HIVEP1: variants seen among roughly 807,000 people sequenced by gnomAD.
HIVEP1 encodes zinc finger protein 40.
A neutral mutation model predicts 180.0 loss-of-function variants in HIVEP1; 36 were observed. The observed-to-expected ratio is 0.20, with a 90% CI of 0.15 to 0.26. The LOEUF is 0.26. HIVEP1 is among the 10% of genes least tolerant of loss of function. HIVEP1 has a pLI of 1.00. For missense variants in HIVEP1, 3,143 were observed against 3,268.7 expected (o/e 0.96, Z 0.94); for synonymous variants, 1,239 against 1,239.0 (o/e 1.00, Z 0.00).
At chr6:12,160,096 G>A (rs1760305285) in intron 7 of HIVEP1, among the ~76,000 whole-genome samples, 1 of 152,174 alleles carries the variant, frequency 6.6e-6, no homozygotes, top group Admixed American at 6.5e-5. Context: ...ACTGTACATT[G>A]TCTAATGTCA....
chr6:12,180,372 C>T, the HIVEP1 span, among the ~76,000 whole-genome samples: 2 of 152,160 alleles, frequency 1.3e-5, no homozygotes, highest in African/African-American at 4.8e-5. Context: ...CAGCGATTCA[C>T]AAACTTCAAT....
At chr6:12,140,304 G>T (rs1038237980) in intron 7 of HIVEP1, among the ~76,000 whole-genome samples, 1 of 152,188 alleles carries the variant, frequency 6.6e-6, no homozygotes. Flanking sequence ...CAAACAAAAG[G>T]ATTAGCATCA....
Position 12,121,965 on chromosome 6 carries a change from A to G in HIVEP1, c.2170A>G (p.Thr724Ala), listed in dbSNP as rs907345163. 6.2e-7 allele frequency: 1 copy of G among 1,614,188 alleles called. No individual in the cohort carries two copies. Among genetic ancestry groups the G allele is most frequent in the Non-Finnish European group, 8.5e-7 (1 of 1,180,022 alleles). Residue 724 changes from threonine to alanine, a missense_variant, in exon 4 of 9, where the codon ACA becomes GCA. By Grantham distance (58) the Thr-to-Ala change is moderately conservative. Transcript: ENST00000379388. This position sits in a 1 kb window ranked among gnomAD's most constrained non-coding sequence, Gnocchi z 5.3. ...CACGTCAACACCCTCTGCTTTGCCCACAGGGGAAAAGGCATTGCTTTTACC... is the reference window on the plus strand; with the variant it reads ...CACGTCAACACCCTCTGCTTTGCCCGCAGGGGAAAAGGCATTGCTTTTACC... ...VTTSTPSALP[T>A]GEKALLLPGQ...
the HIVEP1 span, among the ~76,000 whole-genome samples, chr6:12,178,405 A>G: frequency 2.6e-5 from 4 of 152,224 alleles, no homozygotes; most frequent in African/African-American, 9.7e-5. Context: ...CCTGGGCAAC[A>G]TGGCGAGACC....
intron 2 of HIVEP1, among the ~76,000 whole-genome samples, chr6:12,045,577 T>C (rs1770069111): frequency 6.6e-6 from 1 of 152,216 alleles, no homozygotes; most frequent in Non-Finnish European, 1.5e-5. Context: ...AGCCCATTAA[T>C]TTCTTCAGTA....
chr6:12,097,006 G>T (rs770811808), intron 3 of HIVEP1, among the ~76,000 whole-genome samples: 3 of 152,038 alleles, frequency 2.0e-5, no homozygotes, highest in Non-Finnish European at 4.4e-5. Context: ...AGCTCATGTG[G>T]ATATGGCTAG....
chr6:12,163,289 T>A lies in HIVEP1; in HGVS notation c.6985T>A (p.Ser2329Thr). 6.2e-7 allele frequency: 1 copy of A among 1,612,704 alleles called. No individual in the cohort carries two copies. Among genetic ancestry groups the A allele is most frequent in the Non-Finnish European group, 8.5e-7 (1 of 1,179,038 alleles). The change falls in exon 9 of 9, where the codon TCA becomes ACA. Residue 2329 changes from serine (S) to threonine (T), a missense_variant. Ser to Thr is a moderately conservative substitution (Grantham distance 58). Transcript: ENST00000379388. Reference protein sequence around the residue: ...GKAVAITQSPSSVRLPPAAAE... With the variant: ...GKAVAITQSPTSVRLPPAAAE... ...GCTCTCTCTTGTCATTTAGAGCCCATCATCTGTAAGACTTCCTCCTGCTGC... is the reference window on the plus strand; with the variant it reads ...GCTCTCTCTTGTCATTTAGAGCCCAACATCTGTAAGACTTCCTCCTGCTGC...
intron 2 of HIVEP1, among the ~76,000 whole-genome samples, chr6:12,081,560 C>T (rs140028859): frequency 5.3e-4 from 80 of 152,198 alleles, no homozygotes; most frequent in Non-Finnish European, 9.7e-4. Flanking sequence ...GAGTCTTCCC[C>T]AGTTTTAAAC....
intron 2 of HIVEP1, among the ~76,000 whole-genome samples, chr6:12,017,470 G>A (rs967716626): frequency 6.6e-6 from 1 of 152,226 alleles, no homozygotes; most frequent in Non-Finnish European, 1.5e-5. Flanking sequence ...GCAAGCAGTA[G>A]CAAGATTTAT....
At chr6:12,092,967 G>C (rs1451638783) in intron 3 of HIVEP1, among the ~76,000 whole-genome samples, 2 of 152,158 alleles carry the variant, frequency 1.3e-5, no homozygotes, top group African/African-American at 4.8e-5. Context: ...TGTTCAGGTA[G>C]GGTGTGATGA....
chr6:12,088,705 A>G (rs1286979321), intron 2 of HIVEP1, among the ~76,000 whole-genome samples: 1 of 152,114 alleles, frequency 6.6e-6, no homozygotes, highest in East Asian at 1.9e-4. Flanking sequence ...AGCAAGGGAT[A>G]TAGACACTTT....
chr6:12,161,362 C>A (rs1000603044), intron 7 of HIVEP1, 77 bp from the exon 8 acceptor site: 1 of 1,381,862 alleles, frequency 7.2e-7, no homozygotes, highest in Non-Finnish European at 9.9e-7. Flanking sequence ...AGTTGCCAAA[C>A]GTATAAAAAA....
chr6:12,023,085 A>AGT (rs1477406772), intron 2 of HIVEP1, among the ~76,000 whole-genome samples: 2 of 152,216 alleles, frequency 1.3e-5, no homozygotes, highest in Non-Finnish European at 2.9e-5. Flanking sequence ...GCGGGATTGA[A>AGT]GTGAAGTGCT....
the HIVEP1 span, among the ~76,000 whole-genome samples, chr6:12,198,970 T>C: frequency 4.6e-5 from 7 of 152,192 alleles, no homozygotes; most frequent in Non-Finnish European, 1.0e-4. Context: ...GTTAACACAG[T>C]GGAGAGGTGT....
Position 12,123,598 on chromosome 6 carries a change from C to T in HIVEP1, c.3803C>T (p.Thr1268Ile), listed in dbSNP as rs1315093903. 1 of 1,614,072 alleles carries T rather than the reference C, an allele frequency of 6.2e-7. No homozygotes were observed. The highest frequency in any genetic ancestry group is 1.1e-5 in the South Asian group (1 of 91,076). Residue 1268 changes from threonine to isoleucine, a missense_variant, in exon 4 of 9, where the codon ACC becomes ATC. Thr to Ile is a moderately conservative substitution (Grantham distance 89). Around this residue, in one of 12 missense-constraint regions of HIVEP1, gnomAD observed 1,357 missense variants for 1,260.5 expected, o/e 1.08. Coordinates refer to ENST00000379388, the MANE Select transcript of HIVEP1 (RefSeq NM_002114.4). The part of the protein sequence containing the change: ...EKFSWPQRSE[T>I]LSKLPTEKLP... Reference sequence around the variant, plus strand: ...TTCAGTTGGCCCCAGCGTAGTGAAACCTTGTCAAAATTGCCAACAGAGAAA... The same window carrying T: ...TTCAGTTGGCCCCAGCGTAGTGAAATCTTGTCAAAATTGCCAACAGAGAAA...
At chr6:12,009,405 C>T (rs900857665), upstream of HIVEP1, among the ~76,000 whole-genome samples, 3 of 152,216 alleles carry the variant, frequency 2.0e-5, no homozygotes, top group African/African-American at 7.2e-5. Flanking sequence ...CCAAGGGGGG[C>T]TCCAGAAGCG....
Position 12,121,160 on chromosome 6 carries a change from C to T in HIVEP1, c.1365C>T (p.Ser455=), listed in dbSNP as rs144854234. ...TKSNLYKHKK[S]HAHTIKLGLV... is the part of the protein sequence containing the mutation. Reference sequence around the variant, plus strand: ...GTAATCTGTATAAGCACAAGAAATCCCACGCACATACTATCAAACTGGGTC... The same window carrying T: ...GTAATCTGTATAAGCACAAGAAATCTCACGCACATACTATCAAACTGGGTC... Residue 455 remains serine (S), a synonymous_variant, in exon 4 of 9, where the codon TCC becomes TCT. Transcript: ENST00000379388. The surrounding 1 kb of genome is among the most constrained non-coding windows in gnomAD (Gnocchi z 5.3). 2.5e-6 allele frequency: 4 copies of T among 1,614,014 alleles called. No individual in the cohort carries two copies. The highest frequency in any genetic ancestry group is 1.3e-5 in the African/African-American group (1 of 74,986).
At chr6:12,017,928 TCAGCCCTTGGG>T (rs1461255610) in intron 2 of HIVEP1, among the ~76,000 whole-genome samples, 1 of 152,222 alleles carries the variant, frequency 6.6e-6, no homozygotes, top group Non-Finnish European at 1.5e-5. Flanking sequence ...CCTGCACTAC[TCAGCCCTTGGG>T]TGGTCGATGG....
At chr6:12,090,205 A>T (rs1773380131) in intron 3 of HIVEP1, among the ~76,000 whole-genome samples, 1 of 152,142 alleles carries the variant, frequency 6.6e-6, no homozygotes, top group Non-Finnish European at 1.5e-5. Context: ...TGTGCTTTTA[A>T]TATTGTGGGC....
Sources: gnomAD v4.1 joint callset for allele counts (sites outside exome capture counted in the v4.1 genomes callset) on GRCh38, gnomAD v4.1.1 for gene constraint, gnomAD v4.1.1 regional missense constraint, Gnocchi (gnomAD v3.1) non-coding constraint, MANE v1.5 for transcripts, NCBI Gene and HGNC (gene_info 2026-07-23, HGNC 2026-07-21) for gene names.